The following CPQ variants were observed in gnomAD, a reference collection of about 807,000 sequenced individuals.
CPQ encodes the protein Ser-Met dipeptidase.
A neutral mutation model predicts 45.7 loss-of-function variants in CPQ; 37 were observed. The observed-to-expected ratio is 0.81, with a 90% confidence interval of 0.62 to 1.07. The LOEUF (loss-of-function observed/expected upper bound fraction) is 1.07. Among genes scored for constraint, CPQ ranks in the 50% least tolerant of loss-of-function variants. The pLI is 0.00. For synonymous variants in CPQ, 186 were observed against 205.8 expected (o/e 0.90, Z 0.82); for missense variants, 537 against 572.9 (o/e 0.94, Z 0.64).
At chr8:96,709,503 G>A (rs1470644765) in intron 1 of CPQ, among the ~76,000 whole-genome samples, 3 of 152,108 alleles carry the variant, frequency 2.0e-5, no homozygotes. Context: ...ATCTGTTGAT[G>A]AACACTTAGG....
Position 96,959,008 on chromosome 8 carries a change from T to C in CPQ, c.850-6927T>C, listed in dbSNP as rs577013189. Among the ~76,000 whole-genome samples, 75 of 151,976 alleles carry C rather than the reference T, an allele frequency of 4.9e-4. 1 individual carries two copies. Among genetic ancestry groups the C allele is most frequent in the Non-Finnish European group, 7.4e-4 (50 of 68,004 alleles). ...TGAACACACCCTGTATGTCAAGAGC[T>C]TAGCTTTATTCTGTAGACCACCTAG... On this transcript the variant is annotated intron_variant, in intron 4 of 7. Coordinates refer to ENST00000220763, the MANE Select transcript of CPQ (RefSeq NM_016134.4).
chr8:97,128,889 C>T (rs1320270861), intron 7 of CPQ, among the ~76,000 whole-genome samples: 1 of 152,170 alleles, frequency 6.6e-6, no homozygotes, highest in Non-Finnish European at 1.5e-5. Flanking sequence ...TAGAGAAGTT[C>T]TTTCCCAGTC....
In CPQ at chr8:96,981,822, C is replaced by T. The variant is rs558682441; in HGVS notation, c.961+15776C>T. Among the ~76,000 whole-genome samples, 79 of 152,276 alleles carry T rather than the reference C, an allele frequency of 5.2e-4. 1 individual carries two copies. Among genetic ancestry groups the T allele is most frequent in the African/African-American group, 1.9e-3 (79 of 41,556 alleles). On this transcript the variant is annotated intron_variant, in intron 5 of 7. Coordinates refer to ENST00000220763, the MANE Select transcript of CPQ (RefSeq NM_016134.4). ...GAATGGAGGAGAGAACCAATATTTACCTCCTATGTGACAGTTACTTACCAT... is the reference window on the plus strand; with the variant it reads ...GAATGGAGGAGAGAACCAATATTTATCTCCTATGTGACAGTTACTTACCAT...
At chr8:96,992,927 A>C (rs1476754778) in intron 5 of CPQ, among the ~76,000 whole-genome samples, 1 of 152,180 alleles carries the variant, frequency 6.6e-6, no homozygotes, top group African/African-American at 2.4e-5. Context: ...ATTTGTTGAC[A>C]GATACACAAA....
chr8:96,977,242 G>C (rs1813804945), intron 5 of CPQ, among the ~76,000 whole-genome samples: 1 of 151,602 alleles, frequency 6.6e-6, no homozygotes. Context: ...ATGGAAGAAT[G>C]CTCAACATCA....
Position 96,742,590 on chromosome 8 carries a change from G to A in CPQ, c.-34-42274G>A, listed in dbSNP as rs527810258. On this transcript the variant is annotated intron_variant, in intron 1 of 7. Transcript: ENST00000220763. ...TAGTCTCGATGGTCTTTACATTTTG[G>A]CATGATTTTGCAGTGGCTGGTACCG... is the stretch of plus-strand genomic sequence containing the variant. Among the ~76,000 whole-genome samples, 4 of 151,834 alleles carry A rather than the reference G, an allele frequency of 2.6e-5. No individual in the cohort carries two copies. In the South Asian group the frequency reaches 8.4e-4, roughly 32 times the overall value.
At chr8:96,818,936 A>G (rs771737625) in intron 2 of CPQ, among the ~76,000 whole-genome samples, 43 of 152,108 alleles carry the variant, frequency 2.8e-4, no homozygotes, top group Non-Finnish European at 5.1e-4. Flanking sequence ...TTTCTAAAAT[A>G]TATTGCAAAT....
At chr8:97,005,301 C>T (rs1048484203) in intron 5 of CPQ, among the ~76,000 whole-genome samples, 1 of 151,866 alleles carries the variant, frequency 6.6e-6, no homozygotes, top group Admixed American at 6.6e-5. Context: ...AAGATGGTCT[C>T]AATCGCCTGA....
intron 5 of CPQ, among the ~76,000 whole-genome samples, chr8:97,020,089 C>A (rs1353929229): frequency 2.0e-5 from 3 of 152,160 alleles, no homozygotes; most frequent in Admixed American, 2.0e-4. Flanking sequence ...CAAAACCAGG[C>A]AAATACATGG....
chr8:97,130,383 G>A (rs918382169), intron 7 of CPQ, among the ~76,000 whole-genome samples: 4 of 149,064 alleles, frequency 2.7e-5, no homozygotes, highest in East Asian at 2.0e-4. Flanking sequence ...CATGTTACCC[G>A]ACAAAGTAGC....
chr8:96,684,724 AG>A (rs1173016013), intron 1 of CPQ, among the ~76,000 whole-genome samples: 3 of 152,088 alleles, frequency 2.0e-5, no homozygotes, highest in Non-Finnish European at 4.4e-5. Flanking sequence ...TACCAGCAGC[AG>A]GGAAAGTGAG....
chr8:96,670,064 A>T (rs1407280581), intron 1 of CPQ, among the ~76,000 whole-genome samples: 1 of 152,236 alleles, frequency 6.6e-6, no homozygotes, highest in African/African-American at 2.4e-5. Context: ...AACAAAGCTT[A>T]TCGCACACAC....
At chr8:96,646,117 T>G (rs1815517384) in intron 1 of CPQ, among the ~76,000 whole-genome samples, 2 of 151,298 alleles carry the variant, frequency 1.3e-5, no homozygotes, top group Non-Finnish European at 2.9e-5. Flanking sequence ...CAACTCCTGT[T>G]TTTTGATAGC....
intron 2 of CPQ, among the ~76,000 whole-genome samples, chr8:96,804,699 C>G (rs1811056309): frequency 6.6e-6 from 1 of 151,758 alleles, no homozygotes; most frequent in South Asian, 2.1e-4. Flanking sequence ...TGCTAATGTT[C>G]CCTTTGTCTT....
At chr8:96,652,068 T>C (rs1423924694) in intron 1 of CPQ, among the ~76,000 whole-genome samples, 1 of 152,212 alleles carries the variant, frequency 6.6e-6, no homozygotes, top group Non-Finnish European at 1.5e-5. Context: ...CAATATAATC[T>C]CAAAAAATTT....
chr8:96,700,210 T>G (rs571013452), intron 1 of CPQ, among the ~76,000 whole-genome samples: 1 of 152,200 alleles, frequency 6.6e-6, no homozygotes, highest in East Asian at 1.9e-4. Context: ...AATTGATGCC[T>G]TCTGCTTGCG....
intron 1 of CPQ, among the ~76,000 whole-genome samples, chr8:96,661,946 A>G (rs1815706157): frequency 6.6e-6 from 1 of 152,198 alleles, no homozygotes; most frequent in Non-Finnish European, 1.5e-5. Flanking sequence ...CCTCACCAGC[A>G]TTTGGTGTTG....
In CPQ at chr8:96,988,807, T is replaced by C. The variant is rs181237344; in HGVS notation, c.961+22761T>C. ...TGAAGTATGAACTGAGGGTGCTGCA[T>C]AGTAGCAATAAAATCAGATTCTTAA... On this transcript the variant is annotated intron_variant, in intron 5 of 7. Coordinates refer to ENST00000220763, the MANE Select transcript of CPQ (RefSeq NM_016134.4). Among the ~76,000 whole-genome samples the C allele has an allele frequency of 8.3e-4, 126 of 152,306 alleles. 1 individual carries two copies. Among genetic ancestry groups the C allele is most frequent in the African/African-American group, 3.0e-3 (123 of 41,554 alleles).
intron 6 of CPQ, chr8:97,055,655 T>C (rs931817751): frequency 2.0e-5 from 3 of 152,182 alleles, no homozygotes; most frequent in African/African-American, 7.2e-5. Context: ...AGTAAGTCTA[T>C]GTTGAAAATA....
Sources: gnomAD v4.1 joint callset for allele counts (sites outside exome capture counted in the v4.1 genomes callset) on GRCh38, gnomAD v4.1.1 for gene constraint, MANE v1.5 for transcripts, NCBI Gene and HGNC (gene_info 2026-07-23, HGNC 2026-07-21) for gene names.